The following NLGN4X variants were observed in gnomAD, a reference collection of about 807,000 sequenced individuals.
NLGN4X encodes the protein neuroligin 4 X-linked.
In NLGN4X, 3 loss-of-function variants were observed where a neutral mutation model predicts 40.3. That is an observed-to-expected ratio of 0.07 (90% CI 0.03 to 0.19). NLGN4X has a LOEUF of 0.19. Among genes scored for constraint, NLGN4X ranks in the 10% least tolerant of loss-of-function variants. The pLI is 1.00. For missense variants in NLGN4X, 382 were observed against 708.3 expected, an observed-to-expected ratio of 0.54 and a Z score of 5.23; for synonymous variants, 270 against 306.8, an observed-to-expected ratio of 0.88 and a Z score of 1.25.
At chrX:6,060,819 T>A (rs184425207) in intron 2 of NLGN4X, among the ~76,000 whole-genome samples, 6 of 111,997 alleles carry the variant, frequency 5.4e-5, no homozygotes, top group African/African-American at 1.9e-4. Context: ...CTCTCACCCA[T>A]CAAACTCCAT....
chrX:5,925,881 C>CATATATATATAT (rs55860509), intron 3 of NLGN4X, among the ~76,000 whole-genome samples: 6 of 19,498 alleles, frequency 3.1e-4, no homozygotes, highest in East Asian at 4.2e-3. Flanking sequence ...TACATACACA[C>CATATATATATAT]ATATATATAT....
At chrX:6,052,085 T>C (rs1426635409) in intron 2 of NLGN4X, among the ~76,000 whole-genome samples, 6 of 109,342 alleles carry the variant, frequency 5.5e-5, no homozygotes, top group Non-Finnish European at 1.1e-4. Context: ...CCTGCTGACA[T>C]CCACCAAGAA....
At chrX:6,222,707 T>G (rs1812292259) in intron 1 of NLGN4X, among the ~76,000 whole-genome samples, 1 of 112,689 alleles carries the variant, frequency 8.9e-6, no homozygotes, top group Admixed American at 9.3e-5. Flanking sequence ...AAACCTCATC[T>G]TGGATTGTAG....
chrX:5,989,566 C>G (rs934452613), intron 3 of NLGN4X, among the ~76,000 whole-genome samples: 1 of 112,514 alleles, frequency 8.9e-6, no homozygotes, highest in Admixed American at 9.4e-5. Flanking sequence ...ATACGCATTG[C>G]TAAACTTTTG....
chrX:6,147,774 G>C (rs1183630506), intron 2 of NLGN4X, among the ~76,000 whole-genome samples: 1 of 111,346 alleles, frequency 9.0e-6, no homozygotes, highest in Non-Finnish European at 1.9e-5. Context: ...TAGAGCTTCC[G>C]ACTGGCTTGA....
intron 3 of NLGN4X, among the ~76,000 whole-genome samples, chrX:5,954,183 T>G (rs943983962): frequency 1.8e-5 from 2 of 110,316 alleles, no homozygotes; most frequent in Admixed American, 2.0e-4. Flanking sequence ...GTTGCAAGGC[T>G]TCTGGGGACT....
chrX:5,980,777 T>C (rs2035363226), intron 3 of NLGN4X, among the ~76,000 whole-genome samples: 1 of 111,084 alleles, frequency 9.0e-6, no homozygotes, highest in African/African-American at 3.3e-5. Flanking sequence ...ATGTCAATAA[T>C]ACGCTGTTTC....
chrX:6,090,121 T>C (rs1198562757), intron 2 of NLGN4X, among the ~76,000 whole-genome samples: 1 of 111,523 alleles, frequency 9.0e-6, no homozygotes, highest in Non-Finnish European at 1.9e-5. Context: ...GAGATGAAGC[T>C]GGGAAGTACG....
intron 3 of NLGN4X, among the ~76,000 whole-genome samples, chrX:5,983,995 A>G (rs143388102): frequency 0.022 from 2,437 of 111,448 alleles, 32 homozygotes; most frequent in Non-Finnish European, 0.034. Context: ...GAAATAAGGA[A>G]AACAATATGA....
At chrX:6,034,334 G>A (rs2036946970) in intron 2 of NLGN4X, among the ~76,000 whole-genome samples, 1 of 111,726 alleles carries the variant, frequency 9.0e-6, no homozygotes, top group South Asian at 3.7e-4. Context: ...CCTTTTTATG[G>A]CTAAATTATT....
In NLGN4X at chrX:6,168,988, T is replaced by C. The variant is rs138673686; in HGVS notation, c.-305-17217A>G. 1.7e-3 allele frequency among the ~76,000 whole-genome samples: 188 copies of C among 111,720 alleles called. 3 individuals are homozygous for C. In the East Asian group the frequency reaches 0.048, roughly 29 times the overall value. ...AGTAAAGTTATAAAGCCAAAACCCA[T>C]AAAAGATAAAGGAAAATCGGAAGAG... On this transcript the variant is annotated intron_variant, in intron 1 of 5. Transcript: ENST00000381095.
intron 2 of NLGN4X, among the ~76,000 whole-genome samples, chrX:6,140,457 GACACACACACACAC>G (rs34281533): frequency 6.2e-5 from 6 of 96,026 alleles, no homozygotes; most frequent in Non-Finnish European, 1.1e-4. Context: ...TTCACACACA[GACACACACACACAC>G]ACACACACAC....
intron 2 of NLGN4X, among the ~76,000 whole-genome samples, chrX:6,106,308 T>C (rs2039031896): frequency 9.0e-6 from 1 of 111,292 alleles, no homozygotes; most frequent in Non-Finnish European, 1.9e-5. Context: ...CCTAGAACAG[T>C]AAACAAAACA....
chrX:5,980,398 T>C (rs1023018887), intron 3 of NLGN4X, among the ~76,000 whole-genome samples: 30 of 109,979 alleles, frequency 2.7e-4, no homozygotes, highest in Non-Finnish European at 5.1e-4. Flanking sequence ...TCCAATGTAT[T>C]AATTGGTTCC....
chrX:5,943,889 G>GT (rs1290596200), intron 3 of NLGN4X, among the ~76,000 whole-genome samples: 3 of 112,332 alleles, frequency 2.7e-5, no homozygotes, highest in Non-Finnish European at 5.6e-5. Context: ...GGAGGAAACT[G>GT]TAACTGTGGG....
At chrX:5,974,639 C>A (rs1601979597) in intron 3 of NLGN4X, among the ~76,000 whole-genome samples, 1 of 111,502 alleles carries the variant, frequency 9.0e-6, no homozygotes, top group Non-Finnish European at 1.9e-5. Flanking sequence ...ACAAATGAAT[C>A]AAAATCCCTT....
intron 3 of NLGN4X, among the ~76,000 whole-genome samples, chrX:5,991,225 G>GA (rs2035674390): frequency 9.2e-6 from 1 of 109,236 alleles, no homozygotes; most frequent in Non-Finnish European, 1.9e-5. Flanking sequence ...GAAAAAGTAA[G>GA]AAAAAATGAA....
At chrX:5,898,615 G>C (rs2031659910) in intron 5 of NLGN4X, among the ~76,000 whole-genome samples, 1 of 111,004 alleles carries the variant, frequency 9.0e-6, no homozygotes, top group Non-Finnish European at 1.9e-5. Context: ...CGCCCACTGA[G>C]AGTGGTGAAG....
intron 3 of NLGN4X, among the ~76,000 whole-genome samples, chrX:6,001,073 G>A (rs1405707524): frequency 1.8e-5 from 2 of 111,256 alleles, no homozygotes; most frequent in African/African-American, 6.5e-5. Flanking sequence ...AGCAAAAGGA[G>A]GAAAAGCCCC....
Sources: allele counts gnomAD v4.1 joint callset (sites outside exome capture counted in the v4.1 genomes callset), GRCh38; gene constraint gnomAD v4.1.1; transcripts MANE v1.5; gene names NCBI Gene and HGNC (gene_info 2026-07-23, HGNC 2026-07-21).